Variants in CSMD1 observed in about 807,000 individuals in gnomAD.
The protein encoded by CSMD1 is CUB and sushi domain-containing protein 1.
In CSMD1, 213 loss-of-function variants were observed where a neutral mutation model predicts 417.5. The observed-to-expected ratio is 0.51, with a 90% CI of 0.46 to 0.57. CSMD1 has a LOEUF of 0.57. CSMD1 is among the 20% of genes least tolerant of loss of function. The pLI is 0.00. For synonymous variants in CSMD1, 2,862 were observed against 1,736.8 expected (o/e 1.65, Z -16.11); for missense variants, 6,923 against 4,529.7 (o/e 1.53, Z -15.17).
intron 5 of CSMD1, among the ~76,000 whole-genome samples, chr8:3,811,528 C>T (rs564199261): frequency 6.6e-6 from 1 of 152,138 alleles, no homozygotes; most frequent in Non-Finnish European, 1.5e-5. Context: ...CCTGGTGTTC[C>T]TTGACAATGT....
chr8:4,737,499 TAA>T (rs550877468), intron 1 of CSMD1, among the ~76,000 whole-genome samples: 1 of 151,590 alleles, frequency 6.6e-6, no homozygotes, highest in South Asian at 2.1e-4. Flanking sequence ...AAATAACAAT[TAA>T]AAAAAAACAT....
rs577971615 is a variant in CSMD1, at chr8:3,350,860, A to G, written c.3305-2699T>C. ...TTGGAATCTGGGATTTTTTTTAAAA[A>G]AAGCAGATATATAATAAATGGTAGT... On this transcript the variant is annotated intron_variant, in intron 21 of 69. Coordinates refer to ENST00000635120, the MANE Select transcript of CSMD1 (RefSeq NM_033225.6). Among the ~76,000 whole-genome samples the G allele has an allele frequency of 4.5e-3, 690 of 152,318 alleles. 6 individuals are homozygous for G. The highest frequency in any genetic ancestry group is 0.016 in the African/African-American group (662 of 41,568).
intron 10 of CSMD1, among the ~76,000 whole-genome samples, chr8:3,529,144 T>C (rs1217276274): frequency 6.6e-6 from 1 of 152,226 alleles, no homozygotes; most frequent in Non-Finnish European, 1.5e-5. Flanking sequence ...TCCAATTGTG[T>C]AGTAAAGACA....
At chr8:3,142,243 G>A (rs1563081386) in intron 41 of CSMD1, among the ~76,000 whole-genome samples, 1 of 152,136 alleles carries the variant, frequency 6.6e-6, no homozygotes, top group Non-Finnish European at 1.5e-5. Context: ...GGCTCTGTCT[G>A]GGCAGCAGAA....
In CSMD1 at chr8:3,838,697, AAT is replaced by A. The variant is rs1491571132; in HGVS notation, c.819-84657_819-84656del. ...ATATTATATAGTATAATATATAATA[AAT>A]ATTATATAGTATAATATATAATAAA... On this transcript the variant is annotated intron_variant, in intron 5 of 69. Transcript: ENST00000635120. Among the ~76,000 whole-genome samples, 13 of 28,890 alleles carry A rather than the reference AAT, an allele frequency of 4.5e-4. 1 individual carries two copies. Among genetic ancestry groups the A allele is most frequent in the African/African-American group, 2.8e-3 (9 of 3,250 alleles). The allele number at this position is 28,890 out of a possible 152,430, so 19.0% of individuals were successfully genotyped here.
chr8:4,890,636 G>A (rs115039012), intron 1 of CSMD1, among the ~76,000 whole-genome samples: 1 of 151,804 alleles, frequency 6.6e-6, no homozygotes, highest in African/African-American at 2.4e-5. Flanking sequence ...TCACAGCCAT[G>A]GGCATCCTGG....
intron 3 of CSMD1, among the ~76,000 whole-genome samples, chr8:4,091,799 A>G (rs538296631): frequency 1.3e-5 from 2 of 152,174 alleles, no homozygotes; most frequent in South Asian, 2.1e-4. Flanking sequence ...GGTTGGTAAA[A>G]TACTGGAAGA....
chr8:3,926,120 C>CACACACAAACACCATACACACACACAA (rs1809706215), intron 5 of CSMD1, among the ~76,000 whole-genome samples: 1 of 133,096 alleles, frequency 7.5e-6, no homozygotes, highest in African/African-American at 3.0e-5. Flanking sequence ...CACACACACA[C>CACACACAAACACCATACACACACACAA]ACACACACAC....
intron 12 of CSMD1, among the ~76,000 whole-genome samples, chr8:3,431,561 G>C (rs1814219777): frequency 2.0e-5 from 3 of 152,094 alleles, no homozygotes; most frequent in Non-Finnish European, 1.5e-5. Context: ...TTGTATGAGA[G>C]TTAAATTATA....
At chr8:3,212,615 T>C (rs1331766487) in intron 30 of CSMD1, among the ~76,000 whole-genome samples, 1 of 152,020 alleles carries the variant, frequency 6.6e-6, no homozygotes, top group African/African-American at 2.4e-5. Flanking sequence ...TGGCCTCCCA[T>C]AGTGTTGGGA....
intron 3 of CSMD1, among the ~76,000 whole-genome samples, chr8:4,132,044 T>C (rs187180619): frequency 2.6e-4 from 39 of 152,256 alleles, no homozygotes; most frequent in Non-Finnish European, 7.4e-5. Context: ...CTTGATGGCA[T>C]AACAAAGGTA....
intron 1 of CSMD1, among the ~76,000 whole-genome samples, chr8:4,857,251 G>T (rs1274062178): frequency 1.4e-5 from 2 of 146,578 alleles, no homozygotes; most frequent in Non-Finnish European, 3.0e-5. Context: ...AGAATCTCTG[G>T]GACGCATTCA....
chr8:3,875,493 G>C (rs1264762899), intron 5 of CSMD1, among the ~76,000 whole-genome samples: 1 of 152,104 alleles, frequency 6.6e-6, no homozygotes, highest in East Asian at 1.9e-4. Flanking sequence ...AGGGTCACTG[G>C]CATGGAGAGG....
chr8:4,332,700 A>G (rs10091134), intron 3 of CSMD1, among the ~76,000 whole-genome samples: 66,584 of 149,302 alleles, frequency 0.45, 16,646 homozygotes, highest in African/African-American at 0.67. Context: ...ATTAAATTAC[A>G]TGAAAAAGTA....
Position 3,898,101 on chromosome 8 carries a change from C to A in CSMD1, c.818+99802G>T, listed in dbSNP as rs556644467. ...GAAATATATTACAATCGCCCTGACA[C>A]CCAATTTCTCACCATATAGCAGAGT... On this transcript the variant is annotated intron_variant, in intron 5 of 69. Coordinates refer to ENST00000635120, the MANE Select transcript of CSMD1 (RefSeq NM_033225.6). 4.6e-5 allele frequency among the ~76,000 whole-genome samples: 7 copies of A among 152,262 alleles called. No homozygotes were observed. The South Asian group carries it at 1.5e-3, about 32-fold the overall frequency.
intron 1 of CSMD1, among the ~76,000 whole-genome samples, chr8:4,710,296 A>C (rs1340336100): frequency 6.6e-6 from 1 of 151,508 alleles, no homozygotes; most frequent in Admixed American, 6.6e-5. Context: ...TATATAATGT[A>C]TATGTGTATA....
intron 5 of CSMD1, among the ~76,000 whole-genome samples, chr8:3,892,274 A>C (rs1301530760): frequency 6.6e-6 from 1 of 152,200 alleles, no homozygotes; most frequent in East Asian, 1.9e-4. Context: ...AATCCAGCAC[A>C]AAGAACAACT....
At chr8:4,185,724 A>G (rs4083033) in intron 3 of CSMD1, among the ~76,000 whole-genome samples, 127,030 of 152,192 alleles carry the variant, frequency 0.83, 53,217 homozygotes, top group South Asian at 0.94. Flanking sequence ...TTCGTCAGAT[A>G]GACTCATGCC....
chr8:4,120,040 TA>T (rs1377218224), intron 3 of CSMD1, among the ~76,000 whole-genome samples: 6 of 152,196 alleles, frequency 3.9e-5, no homozygotes, highest in African/African-American at 1.2e-4. Context: ...ATTGCACATT[TA>T]AAAATAACAG....
Sources: gnomAD v4.1 joint callset for allele counts (sites outside exome capture counted in the v4.1 genomes callset) on GRCh38, gnomAD v4.1.1 for gene constraint, MANE v1.5 for transcripts, NCBI Gene and HGNC (gene_info 2026-07-23, HGNC 2026-07-21) for gene names.